The following SCAPER variants were observed in gnomAD, a reference collection of about 807,000 sequenced individuals.
The protein encoded by SCAPER is S phase cyclin A-associated protein in the endoplasmic reticulum.
SCAPER carries 98 observed loss-of-function variants against 182.2 expected under a neutral mutation model. The ratio of observed to expected loss-of-function variants is 0.54; its 90% confidence interval spans 0.46 to 0.64. The LOEUF (loss-of-function observed/expected upper bound fraction) is 0.64. Among genes scored for constraint, SCAPER ranks in the 30% least tolerant of loss-of-function variants. SCAPER has a pLI of 0.00. For synonymous variants in SCAPER, 605 were observed against 564.6 expected (o/e 1.07, Z -1.01); for missense variants, 1,432 against 1,690.0 (o/e 0.85, Z 2.68).
At chr15:76,899,320 A>C (rs911378526) in intron 1 of SCAPER, among the ~76,000 whole-genome samples, 2 of 151,796 alleles carry the variant, frequency 1.3e-5, no homozygotes, top group African/African-American at 4.8e-5. Context: ...ACGCGCCGCC[A>C]CTCCTGACTG....
At chr15:76,832,271 A>G (rs1024322779) in intron 5 of SCAPER, among the ~76,000 whole-genome samples, 3 of 152,206 alleles carry the variant, frequency 2.0e-5, no homozygotes. Flanking sequence ...CAACATAGCC[A>G]TTTTAAGAAA....
chr15:76,376,097 C>T, intron 29 of SCAPER, 65 bp downstream of exon 29: 1 of 1,579,092 alleles, frequency 6.3e-7, no homozygotes, highest in South Asian at 1.2e-5. Context: ...TGCCTTTTCT[C>T]ATTCCAATAC....
intron 21 of SCAPER, among the ~76,000 whole-genome samples, chr15:76,664,548 A>G (rs1463802698): frequency 6.6e-6 from 1 of 152,164 alleles, no homozygotes; most frequent in Admixed American, 6.6e-5. Flanking sequence ...AGCTGAAGAT[A>G]TAAAATTGGT....
intron 22 of SCAPER, among the ~76,000 whole-genome samples, chr15:76,585,526 C>A (rs1271459767): frequency 6.6e-6 from 1 of 152,066 alleles, no homozygotes; most frequent in East Asian, 1.9e-4. Flanking sequence ...GCAGCCATAG[C>A]AACAGATATA....
intron 17 of SCAPER, among the ~76,000 whole-genome samples, chr15:76,718,791 T>C (rs2150944162): frequency 6.6e-6 from 1 of 152,274 alleles, no homozygotes; most frequent in African/African-American, 2.4e-5. Context: ...AGTCAGTAGA[T>C]ATATGGAAAG....
chr15:76,538,407 TC>T (rs1330373731), intron 23 of SCAPER, among the ~76,000 whole-genome samples: 2 of 150,884 alleles, frequency 1.3e-5, no homozygotes, highest in Admixed American at 1.3e-4. Context: ...TGAGTTCATG[TC>T]CTTTGTAGGG....
chr15:76,613,763 T>A (rs542510064), intron 22 of SCAPER, among the ~76,000 whole-genome samples: 2 of 152,320 alleles, frequency 1.3e-5, no homozygotes, highest in African/African-American at 4.8e-5. Flanking sequence ...AAATCACAGA[T>A]GCTGGCAAGG....
At chr15:76,800,591 T>A (rs986663204) in intron 6 of SCAPER, among the ~76,000 whole-genome samples, 1 of 152,208 alleles carries the variant, frequency 6.6e-6, no homozygotes, top group Non-Finnish European at 1.5e-5. Flanking sequence ...TTCTACCGAC[T>A]GCAGCACAGC....
chr15:76,383,932 A>G (rs1480836761), intron 27 of SCAPER, among the ~76,000 whole-genome samples: 2 of 152,236 alleles, frequency 1.3e-5, no homozygotes, highest in Non-Finnish European at 2.9e-5. Flanking sequence ...CTCAATAAAA[A>G]CAAAAGTTTA....
chr15:76,567,254 C>T (rs911478708), intron 23 of SCAPER: 3 of 417,032 alleles, frequency 7.2e-6, no homozygotes, highest in Non-Finnish European at 1.4e-5. Flanking sequence ...AATAATAGTC[C>T]ATTATATGAA....
At chr15:76,882,750 C>T (rs1166666929) in intron 2 of SCAPER, among the ~76,000 whole-genome samples, 4 of 152,162 alleles carry the variant, frequency 2.6e-5, no homozygotes, top group Non-Finnish European at 4.4e-5. Context: ...CTGAAAGCTC[C>T]GCCTCCCGGG....
At chr15:76,678,654 G>A (rs1018820958) in intron 20 of SCAPER, among the ~76,000 whole-genome samples, 1 of 151,798 alleles carries the variant, frequency 6.6e-6, no homozygotes, top group Admixed American at 6.6e-5. Context: ...AAGAGATCAA[G>A]GTACCTGGAA....
At position 76,564,915 on chromosome 15, in the gene SCAPER, G is replaced by T. The variant is rs868812645; in HGVS notation, c.2838+9243C>A. On this transcript the variant is annotated intron_variant, in intron 23 of 31. Transcript: ENST00000563290. ...GACAAACCTGACAAAAACAAGCAAT[G>T]GGGAAAGGATTCCCTATTGAATGAA... 2.0e-5 allele frequency among the ~76,000 whole-genome samples: 3 copies of T among 152,100 alleles called. No individual in the cohort carries two copies. In the South Asian group the frequency reaches 6.2e-4, roughly 32 times the overall value.
intron 25 of SCAPER, among the ~76,000 whole-genome samples, chr15:76,449,726 T>C (rs1242522026): frequency 6.6e-6 from 1 of 152,176 alleles, no homozygotes; most frequent in Non-Finnish European, 1.5e-5. Context: ...ACCAACTTGT[T>C]TCCTCAAATC....
chr15:76,571,152 G>A (rs1490067711), intron 23 of SCAPER, among the ~76,000 whole-genome samples: 2 of 152,126 alleles, frequency 1.3e-5, no homozygotes, highest in Non-Finnish European at 2.9e-5. Context: ...TCTGGCACAT[G>A]CTTTTTGGGG....
At chr15:76,834,780 C>A (rs971133927) in intron 5 of SCAPER, among the ~76,000 whole-genome samples, 1 of 152,132 alleles carries the variant, frequency 6.6e-6, no homozygotes, top group Non-Finnish European at 1.5e-5. Flanking sequence ...CACTTCTGTG[C>A]ATACCAACTG....
chr15:76,642,228 G>A (rs1465373476), intron 21 of SCAPER, among the ~76,000 whole-genome samples: 2 of 151,926 alleles, frequency 1.3e-5, no homozygotes, highest in Non-Finnish European at 2.9e-5. Flanking sequence ...GATTATCCAC[G>A]TTTTCTTTAT....
At chr15:76,686,873 C>T (rs1038811848) in intron 20 of SCAPER, among the ~76,000 whole-genome samples, 1 of 151,968 alleles carries the variant, frequency 6.6e-6, no homozygotes, top group Non-Finnish European at 1.5e-5. Flanking sequence ...AATAGACCTA[C>T]ATTCAAAAAA....
chr15:76,851,285 A>C (rs964048175), intron 4 of SCAPER, among the ~76,000 whole-genome samples: 4 of 152,196 alleles, frequency 2.6e-5, no homozygotes, highest in Non-Finnish European at 5.9e-5. Context: ...ATCCATGATA[A>C]CTTTCCCAAC....
Sources: gnomAD v4.1 joint callset for allele counts (sites outside exome capture counted in the v4.1 genomes callset) on GRCh38, gnomAD v4.1.1 for gene constraint, MANE v1.5 for transcripts, NCBI Gene and HGNC (gene_info 2026-07-23, HGNC 2026-07-21) for gene names.